The following ASTN2 variants were observed in gnomAD, a reference collection of about 807,000 sequenced individuals.
The protein encoded by ASTN2 is astrotactin-2.
In ASTN2, 54 loss-of-function variants were observed where a neutral mutation model predicts 139.8. The ratio of observed to expected loss-of-function variants is 0.39; its 90% CI spans 0.31 to 0.48. The LOEUF (loss-of-function observed/expected upper bound fraction) is 0.48. ASTN2 is among the 20% of genes least tolerant of loss of function. The pLI, the probability that ASTN2 is intolerant of heterozygous loss-of-function variation, is 0.95. For synonymous variants in ASTN2, 756 were observed against 719.5 expected (o/e 1.05, Z -0.81); for missense variants, 1,565 against 1,725.1 (o/e 0.91, Z 1.64).
chr9:117,028,260 T>C (rs1053385101), intron 6 of ASTN2, among the ~76,000 whole-genome samples: 7 of 151,990 alleles, frequency 4.6e-5, no homozygotes. Context: ...CAGCTGATGA[T>C]GAGATGCCCC....
At chr9:116,830,695 G>A (rs180991755) in intron 11 of ASTN2, among the ~76,000 whole-genome samples, 1 of 151,632 alleles carries the variant, frequency 6.6e-6, no homozygotes, top group East Asian at 2.0e-4. Context: ...AGGAGGTTGA[G>A]GTGGGAGAAT....
chr9:116,780,338 G>GA (rs1830185660), intron 13 of ASTN2, among the ~76,000 whole-genome samples: 1 of 152,194 alleles, frequency 6.6e-6, no homozygotes, highest in African/African-American at 2.4e-5. Flanking sequence ...AATAGGTAAT[G>GA]AAACCAAATT....
At chr9:117,222,476 C>G (rs1167499495) in intron 2 of ASTN2, among the ~76,000 whole-genome samples, 1 of 152,156 alleles carries the variant, frequency 6.6e-6, no homozygotes. Context: ...CCCACTAGCT[C>G]TGTCATTAAG....
intron 10 of ASTN2, among the ~76,000 whole-genome samples, chr9:116,948,446 A>T (rs1835459067): frequency 6.6e-6 from 1 of 152,142 alleles, no homozygotes; most frequent in African/African-American, 2.4e-5. Flanking sequence ...AGGTCTTTGA[A>T]CATGTTTCCA....
intron 4 of ASTN2, among the ~76,000 whole-genome samples, chr9:117,136,991 G>A (rs758760119): frequency 5.9e-5 from 9 of 152,096 alleles, no homozygotes; most frequent in South Asian, 2.1e-4. Context: ...TTCAAAAACC[G>A]CTACCTAAAC....
chr9:117,066,609 G>A (rs1196518530), intron 5 of ASTN2, among the ~76,000 whole-genome samples: 1 of 150,936 alleles, frequency 6.6e-6, no homozygotes, highest in Non-Finnish European at 1.5e-5. Flanking sequence ...CTTCCACAAT[G>A]GTTGAACTAG....
At chr9:116,882,072 T>C (rs1833463635) in intron 10 of ASTN2, among the ~76,000 whole-genome samples, 1 of 152,150 alleles carries the variant, frequency 6.6e-6, no homozygotes, top group African/African-American at 2.4e-5. Context: ...TATCCATCCA[T>C]CCATCCATCC....
intron 11 of ASTN2, among the ~76,000 whole-genome samples, chr9:116,859,136 T>G (rs904570608): frequency 5.3e-5 from 8 of 152,216 alleles, no homozygotes; most frequent in African/African-American, 1.9e-4. Flanking sequence ...TCCTCTGCTT[T>G]CCTGAGCACA....
At chr9:116,544,962 A>G (rs954242691) in intron 19 of ASTN2, among the ~76,000 whole-genome samples, 1 of 152,044 alleles carries the variant, frequency 6.6e-6, no homozygotes, top group African/African-American at 2.4e-5. Context: ...GAGAGTGCCA[A>G]TGGCCTGCTC....
chr9:116,767,554 T>C (rs1829842951), intron 13 of ASTN2, among the ~76,000 whole-genome samples: 1 of 152,142 alleles, frequency 6.6e-6, no homozygotes, highest in Admixed American at 6.5e-5. Context: ...AAGGAGACAC[T>C]AATAAAGCGT....
At chr9:116,434,951 T>C (rs1218062835) in intron 22 of ASTN2, among the ~76,000 whole-genome samples, 1 of 152,146 alleles carries the variant, frequency 6.6e-6, no homozygotes, top group Non-Finnish European at 1.5e-5. Flanking sequence ...TGAAAACATT[T>C]TGGGGTTTAG....
intron 11 of ASTN2, among the ~76,000 whole-genome samples, chr9:116,833,391 C>A (rs1831877243): frequency 6.7e-6 from 1 of 149,058 alleles, no homozygotes; most frequent in Admixed American, 6.7e-5. Context: ...TGTTTTCTAC[C>A]ACATTGATTT....
rs1053354444 is a variant in ASTN2 at position 116,853,102 on chromosome 9, A to G, written c.2040+10481T>C. ...TTCTTATTTATATTTGCATATGCAT[A>G]GGGAAGAAGTGTATGGAAGGATATG... On this transcript the variant is annotated intron_variant, in intron 11 of 22. Transcript: ENST00000313400. Among the ~76,000 whole-genome samples the G allele has an allele frequency of 2.0e-5, 3 of 152,224 alleles. No individual in the cohort carries two copies. In the East Asian group the frequency reaches 5.8e-4, roughly 29 times the overall value.
chr9:116,890,912 C>T (rs1017702959), intron 10 of ASTN2, among the ~76,000 whole-genome samples: 1 of 152,110 alleles, frequency 6.6e-6, no homozygotes, highest in African/African-American at 2.4e-5. Context: ...TATGCTTGGT[C>T]TGAAATTCCA....
intron 4 of ASTN2, among the ~76,000 whole-genome samples, chr9:117,117,020 C>T (rs961833862): frequency 6.6e-6 from 1 of 151,912 alleles, no homozygotes; most frequent in African/African-American, 2.4e-5. Context: ...TTTCTCATAC[C>T]TCTTGTGGAC....
intron 3 of ASTN2, chr9:117,197,452 A>G (rs1443005232): frequency 6.6e-6 from 1 of 152,232 alleles, no homozygotes; most frequent in Admixed American, 6.5e-5. Context: ...GAGTAAGGTA[A>G]GTATGCATGG....
At chr9:116,801,585 C>CAAAAAAAAAAAAAAAA (rs397893932) in intron 13 of ASTN2, among the ~76,000 whole-genome samples, 21 of 60,370 alleles carry the variant, frequency 3.5e-4, no homozygotes, top group Non-Finnish European at 4.7e-4. Flanking sequence ...GGCTCTGTCT[C>CAAAAAAAAAAAAAAAA]AAAAAAAAAA....
At chr9:117,311,982 A>T (rs189751017) in intron 1 of ASTN2, among the ~76,000 whole-genome samples, 3 of 152,294 alleles carry the variant, frequency 2.0e-5, no homozygotes, top group Admixed American at 6.5e-5. Flanking sequence ...CTCCACCACC[A>T]ATGTGAACCC....
intron 21 of ASTN2, 31 bp from the exon 22 acceptor site, chr9:116,440,823 C>G: frequency 6.3e-7 from 1 of 1,591,504 alleles, no homozygotes; most frequent in African/African-American, 1.3e-5. Context: ...AAACAGATCA[C>G]TGGGTGGTGA....
Sources: allele counts gnomAD v4.1 joint callset (sites outside exome capture counted in the v4.1 genomes callset), GRCh38; gene constraint gnomAD v4.1.1; transcripts MANE v1.5; gene names NCBI Gene and HGNC (gene_info 2026-07-23, HGNC 2026-07-21).